PHF12: variants seen among roughly 807,000 people sequenced by gnomAD.
PHF12 encodes PHD factor 1.
Under a neutral mutation model 99.8 loss-of-function variants are expected in PHF12, and 6 were observed. The observed-to-expected ratio is 0.06, with a 90% CI of 0.03 to 0.12. PHF12 has a LOEUF of 0.12. Among genes scored for constraint, PHF12 ranks in the 10% least tolerant of loss-of-function variants. The pLI is 1.00. For missense variants in PHF12, 954 were observed against 1,300.1 expected (o/e 0.73, Z 4.09); for synonymous variants, 480 against 514.9 (o/e 0.93, Z 0.92).
At chr17:28,907,260 GTGA>G (rs1196386167) in intron 13 of PHF12, 7 of 522,752 alleles carry the variant, frequency 1.3e-5, no homozygotes, top group African/African-American at 9.5e-5. Context: ...TCACTGGCCC[GTGA>G]TGATAATGAA....
Position 28,912,599 on chromosome 17 carries a change from T to G in PHF12, c.1972A>C (p.Arg658=), listed in dbSNP as rs922777344. Residue 658 remains arginine (R), a synonymous_variant, in exon 9 of 15, where the codon AGG becomes CGG. Coordinates refer to ENST00000332830, the MANE Select transcript of PHF12 (RefSeq NM_001033561.2). ...SQIGPPLTDS[R]PLGSPPNATR... ...GCGTTTGGGGGTGAGCCCAGTGGCC[T>G]TGAATCTGTCAACGGAGGTCCTATC... 2 of 1,614,068 alleles carry G rather than the reference T, an allele frequency of 1.2e-6. No homozygotes were observed. Among genetic ancestry groups the G allele is most frequent in the Non-Finnish European group, 1.7e-6 (2 of 1,180,050 alleles).
intron 11 of PHF12, 106 bp from the exon 12 acceptor site, chr17:28,908,987 C>T (rs914618034): frequency 1.2e-5 from 12 of 1,015,036 alleles, no homozygotes; most frequent in Middle Eastern, 2.0e-4. Flanking sequence ...GAGAAAATCC[C>T]GCTGGATGAC....
intron 2 of PHF12, among the ~76,000 whole-genome samples, chr17:28,948,928 AGATGTGG>A (rs2040761208): frequency 6.6e-6 from 1 of 152,162 alleles, no homozygotes; most frequent in Admixed American, 6.5e-5. Context: ...TTGCTGCCGC[AGATGTGG>A]GATTTTTGTG....
chr17:28,911,474 A>C (rs1426637864), intron 9 of PHF12: 1 of 509,488 alleles, frequency 2.0e-6, no homozygotes, highest in Non-Finnish European at 3.5e-6. Context: ...ACTGAAATCC[A>C]CTGCTCTGGG....
rs780904720 is a variant in PHF12, at chr17:28,906,807, C to T, written c.2680+49G>A. 4 of 1,555,564 alleles carry T rather than the reference C, an allele frequency of 2.6e-6. No homozygotes were observed. In the Admixed American group the frequency reaches 5.5e-5, roughly 21 times the overall value. ...ACCATGGGCAGCAAGTCAGAACCAC[C>T]CTGACTGGGGCCTCAGCTTTGTGGC... On this transcript the variant is annotated intron_variant, in intron 14 of 14. Coordinates refer to ENST00000332830, the MANE Select transcript of PHF12 (RefSeq NM_001033561.2). The surrounding 1 kb of genome is among the most constrained non-coding windows in gnomAD (Gnocchi z 4.2).
intron 2 of PHF12, among the ~76,000 whole-genome samples, chr17:28,939,344 G>C (rs138563134): frequency 5.9e-5 from 9 of 152,372 alleles, no homozygotes; most frequent in Non-Finnish European, 1.0e-4. Flanking sequence ...TAAGATCAGG[G>C]AAAGTTAAAT....
In PHF12 at chr17:28,917,350, G is replaced by A; in HGVS notation, c.1069C>T (p.Arg357Ter). The stretch of plus-strand genomic sequence containing the variant: ...TTAGGGGGGTGCTTCTTGTGGATTC[G>A]GTTCAGGAAGTCCACTTTGACGACA... ...QHVVKVDFLN[R>*]IHKKHPPNRR... Residue 357 changes from arginine (R) to a stop codon, truncating the protein, a stop_gained, in exon 7 of 15, where the codon CGA (arginine) becomes TGA (stop). Coordinates refer to ENST00000332830, the MANE Select transcript of PHF12 (RefSeq NM_001033561.2). LOFTEE classifies it high-confidence loss of function. 6.2e-7 allele frequency: 1 copy of A among 1,614,076 alleles called. No homozygotes were observed. Among genetic ancestry groups the A allele is most frequent in the Non-Finnish European group, 8.5e-7 (1 of 1,180,010 alleles).
chr17:28,920,077 G>A (rs1405417420), intron 5 of PHF12, among the ~76,000 whole-genome samples: 5 of 152,204 alleles, frequency 3.3e-5, no homozygotes, highest in African/African-American at 1.2e-4. Context: ...AATTAGAGGT[G>A]TGCTGGAAAG....
chr17:28,945,817 T>C (rs565493832), intron 2 of PHF12, among the ~76,000 whole-genome samples: 1 of 152,328 alleles, frequency 6.6e-6, no homozygotes, highest in African/African-American at 2.4e-5. Context: ...TGAAGTCAGA[T>C]TCACCAAGGG....
At chr17:28,946,399 T>C (rs1283027748) in intron 2 of PHF12, among the ~76,000 whole-genome samples, 1 of 152,242 alleles carries the variant, frequency 6.6e-6, no homozygotes, top group Non-Finnish European at 1.5e-5. Context: ...AGAGATGACG[T>C]GCCTCATACA....
chr17:28,914,105 T>G, intron 7 of PHF12, 68 bp from the exon 8 acceptor site: 4 of 1,489,300 alleles, frequency 2.7e-6, no homozygotes, highest in Non-Finnish European at 3.7e-6. Flanking sequence ...GATTCTGCCC[T>G]GGTATGCTGT....
At chr17:28,910,852 C>T (rs146856532) in intron 10 of PHF12, 25 of 465,240 alleles carry the variant, frequency 5.4e-5, no homozygotes, top group African/African-American at 4.0e-4. Flanking sequence ...ATTTTGTTCT[C>T]GTCTCACTGG....
chr17:28,907,577 C>T lies in PHF12; in HGVS notation c.2541+13G>A, dbSNP rs1018880959. The T allele has an allele frequency of 1.4e-5, 22 of 1,613,584 alleles. No individual in the cohort carries two copies. The highest frequency in any genetic ancestry group is 2.7e-5 in the African/African-American group (2 of 74,918). On this transcript the variant is annotated intron_variant, in intron 13 of 14. Coordinates refer to ENST00000332830, the MANE Select transcript of PHF12 (RefSeq NM_001033561.2). ...TTGGGAAAGCTCCCTCCCACCGCAT[C>T]TCCGGCCCTCACCTCATCGTAGAAT...
chr17:28,929,013 T>G (rs1006594948), intron 2 of PHF12, among the ~76,000 whole-genome samples: 2 of 151,560 alleles, frequency 1.3e-5, no homozygotes, highest in African/African-American at 4.8e-5. Context: ...GGAGAATCGC[T>G]TGAACCTGGG....
intron 2 of PHF12, among the ~76,000 whole-genome samples, chr17:28,936,486 A>G (rs1206576897): frequency 6.6e-6 from 1 of 152,246 alleles, no homozygotes; most frequent in Non-Finnish European, 1.5e-5. Context: ...TGTAAATAGC[A>G]TATCCATATA....
In PHF12 at chr17:28,950,337, T is replaced by A; in HGVS notation, c.67-91A>T. The stretch of plus-strand genomic sequence containing the variant: ...GCGCGGTTTCTCCGTCACCCACCCC[T>A]CTCCCCCCTTTTGTCCTTCTTCCTC... On this transcript the variant is annotated intron_variant, in intron 1 of 14. Coordinates refer to ENST00000332830, the MANE Select transcript of PHF12 (RefSeq NM_001033561.2). This position sits in a 1 kb window ranked among gnomAD's most constrained non-coding sequence, Gnocchi z 5.7. The A allele has an allele frequency of 7.4e-7, 1 of 1,345,190 alleles. No homozygotes were observed. The highest frequency in any genetic ancestry group is 2.3e-5 in the Admixed American group (1 of 42,740). The allele number at this position is 1,345,190 out of a possible 1,614,324, so 83.3% of individuals were successfully genotyped here. A position where few individuals can be genotyped will look rare whatever the true frequency, so the allele number is the denominator to read the frequency against.
intron 11 of PHF12, chr17:28,909,799 C>T: frequency 2.0e-6 from 1 of 497,752 alleles, no homozygotes; most frequent in East Asian, 3.6e-5. Context: ...CTGTGTTGCC[C>T]AGGCTGGTCT....
chr17:28,932,213 C>G (rs553289040), intron 2 of PHF12, among the ~76,000 whole-genome samples: 2 of 152,180 alleles, frequency 1.3e-5, no homozygotes, highest in South Asian at 4.1e-4. Context: ...CTCACTGAAG[C>G]CTTGACCCCC....
chr17:28,923,785 G>A, intron 4 of PHF12, 124 bp downstream of exon 4: 2 of 1,201,096 alleles, frequency 1.7e-6, no homozygotes, highest in Non-Finnish European at 2.3e-6. Context: ...TCTCCAAGCA[G>A]AACTAGGAAC....
Sources: allele counts gnomAD v4.1 joint callset (sites outside exome capture counted in the v4.1 genomes callset), GRCh38; gene constraint gnomAD v4.1.1; non-coding constraint Gnocchi (gnomAD v3.1); transcripts MANE v1.5; gene names NCBI Gene and HGNC (gene_info 2026-07-23, HGNC 2026-07-21).